LARGE1: variants seen among roughly 807,000 people sequenced by gnomAD.
LARGE1 encodes the protein LARGE xylosyl- and glucuronyltransferase 1, also known as xylosyl- and glucuronyltransferase LARGE1.
LARGE1 carries 43 observed loss-of-function variants against 87.6 expected under a neutral mutation model. The observed-to-expected ratio is 0.49, with a 90% CI of 0.38 to 0.63. The LOEUF (loss-of-function observed/expected upper bound fraction) is 0.63, where lower values mean the gene tolerates loss of function less well. LARGE1 is among the 30% of genes least tolerant of loss of function. LARGE1 has a pLI of 0.00. For missense variants in LARGE1, 802 were observed against 1,000.2 expected (o/e 0.80, Z 2.67); for synonymous variants, 434 against 394.6 (o/e 1.10, Z -1.18).
chr22:33,485,865 C>T (rs886503423), intron 6 of LARGE1, among the ~76,000 whole-genome samples: 9 of 152,296 alleles, frequency 5.9e-5, no homozygotes, highest in Admixed American at 2.6e-4. Context: ...ACTATATATA[C>T]ATTTATGTAT....
intron 6 of LARGE1, among the ~76,000 whole-genome samples, chr22:33,521,877 C>T (rs987211192): frequency 4.6e-5 from 7 of 152,152 alleles, no homozygotes; most frequent in African/African-American, 1.7e-4. Flanking sequence ...AGACTATATA[C>T]AAAGCATAGC....
chr22:33,484,978 C>A (rs2069505838), intron 6 of LARGE1, among the ~76,000 whole-genome samples: 1 of 147,056 alleles, frequency 6.8e-6, no homozygotes, highest in Non-Finnish European at 1.5e-5. Flanking sequence ...GTGGCACGAT[C>A]TTGGCTCACT....
chr22:33,668,903 G>C (rs1328761688), intron 2 of LARGE1, among the ~76,000 whole-genome samples: 1 of 152,212 alleles, frequency 6.6e-6, no homozygotes, highest in African/African-American at 2.4e-5. Context: ...GATAGAAACA[G>C]ATCCTCCCTC....
intron 9 of LARGE1, among the ~76,000 whole-genome samples, chr22:33,350,869 T>G (rs868119835): frequency 6.6e-6 from 1 of 152,178 alleles, no homozygotes; most frequent in East Asian, 1.9e-4. Context: ...TGACCATTCC[T>G]AAGAACACAG....
chr22:33,192,918 G>T (rs1923860871), intron 11 of LARGE1, among the ~76,000 whole-genome samples: 3 of 152,292 alleles, frequency 2.0e-5, no homozygotes, highest in Non-Finnish European at 4.4e-5. Flanking sequence ...ATTTATTGAA[G>T]AAATTGTACT....
intron 11 of LARGE1, among the ~76,000 whole-genome samples, chr22:33,265,634 T>C (rs1458996523): frequency 6.6e-6 from 1 of 152,170 alleles, no homozygotes. Context: ...CTGCCTCTCA[T>C]GAGGGCAAGG....
intron 12 of LARGE1, among the ~76,000 whole-genome samples, chr22:33,294,793 C>T (rs748891943): frequency 3.9e-5 from 6 of 152,072 alleles, no homozygotes; most frequent in African/African-American, 7.3e-5. Context: ...GCCAGGCAAA[C>T]GGTAGGCACT....
At chr22:33,225,875 T>A (rs1453992600) in intron 11 of LARGE1, among the ~76,000 whole-genome samples, 1 of 152,222 alleles carries the variant, frequency 6.6e-6, no homozygotes, top group Non-Finnish European at 1.5e-5. Flanking sequence ...TCTATGTTCC[T>A]GCAAAAGACA....
chr22:33,622,704 G>A (rs73398715), intron 4 of LARGE1, among the ~76,000 whole-genome samples: 6,868 of 152,202 alleles, frequency 0.045, 350 homozygotes, highest in African/African-American at 0.12. Flanking sequence ...TAAACCCAAC[G>A]TCTCATTTGC....
chr22:33,906,100 G>A (rs950064058), intron 1 of LARGE1, among the ~76,000 whole-genome samples: 2 of 151,934 alleles, frequency 1.3e-5, no homozygotes, highest in African/African-American at 4.8e-5. Context: ...ACTGCACTCC[G>A]GCCTGGGCAA....
chr22:33,102,228 A>G, the LARGE1 span, among the ~76,000 whole-genome samples: 26 of 145,532 alleles, frequency 1.8e-4, no homozygotes, highest in Admixed American at 1.7e-3. Context: ...GAGTGCAGTG[A>G]TGCAATCTTG....
At chr22:33,810,529 C>G (rs2086459213) in intron 1 of LARGE1, among the ~76,000 whole-genome samples, 1 of 152,182 alleles carries the variant, frequency 6.6e-6, no homozygotes. Context: ...GGGACCTACT[C>G]TGGCCAATGA....
chr22:33,293,073 T>C (rs1054469277), intron 12 of LARGE1, among the ~76,000 whole-genome samples: 2 of 152,114 alleles, frequency 1.3e-5, no homozygotes, highest in African/African-American at 4.8e-5. Context: ...CTCCTCTCTG[T>C]GTGCAGAGTC....
intron 4 of LARGE1, among the ~76,000 whole-genome samples, chr22:33,615,896 G>A (rs1485280069): frequency 6.6e-6 from 1 of 152,150 alleles, no homozygotes; most frequent in Non-Finnish European, 1.5e-5. Context: ...ATATACAAAT[G>A]GCCAACAAGC....
rs2079691280 is a variant in LARGE1 at position 33,619,810 on chromosome 22, T to C, written c.491+6434A>G. On this transcript the variant is annotated intron_variant, in intron 4 of 14. Transcript: ENST00000397394. ...CAATGCATTACCATCTGGAAAACAC[T>C]TGGAACAGACCCTGATACAGAGCAA... 2.6e-5 allele frequency among the ~76,000 whole-genome samples: 4 copies of C among 152,280 alleles called. No individual in the cohort carries two copies. The South Asian group carries it at 8.3e-4, about 32-fold the overall frequency.
At chr22:33,456,228 G>A (rs2068124859) in intron 6 of LARGE1, among the ~76,000 whole-genome samples, 1 of 152,052 alleles carries the variant, frequency 6.6e-6, no homozygotes, top group South Asian at 2.1e-4. Flanking sequence ...GGTTCTGATG[G>A]TCCAGGATTC....
intron 1 of LARGE1, among the ~76,000 whole-genome samples, chr22:33,840,294 C>T (rs2063241066): frequency 6.6e-6 from 1 of 152,138 alleles, no homozygotes; most frequent in African/African-American, 2.4e-5. Context: ...TAAAAAGGGA[C>T]CTAGTTTTTA....
chr22:33,856,118 G>C (rs2146546095), intron 1 of LARGE1, among the ~76,000 whole-genome samples: 1 of 152,274 alleles, frequency 6.6e-6, no homozygotes, highest in South Asian at 2.1e-4. Flanking sequence ...GGGTTTAGGG[G>C]ACAGCAGAAG....
intron 1 of LARGE1, among the ~76,000 whole-genome samples, chr22:33,917,604 G>T (rs1254356359): frequency 1.3e-5 from 2 of 152,166 alleles, no homozygotes. Context: ...CAAAAGTGTT[G>T]ATTACAAACT....
Sources: gnomAD v4.1 joint callset for allele counts (sites outside exome capture counted in the v4.1 genomes callset) on GRCh38, gnomAD v4.1.1 for gene constraint, MANE v1.5 for transcripts, NCBI Gene and HGNC (gene_info 2026-07-23, HGNC 2026-07-21) for gene names.